Variants in METTL25 observed in about 807,000 individuals in gnomAD.
METTL25 encodes the protein probable methyltransferase-like protein 25.
A neutral mutation model predicts 71.6 loss-of-function variants in METTL25; 64 were observed. The observed-to-expected ratio is 0.89, with a 90% confidence interval of 0.73 to 1.10. The LOEUF (loss-of-function observed/expected upper bound fraction) is 1.10. Ranked by LOEUF, METTL25 falls within the 50% of genes least tolerant of loss-of-function variation. The probability of loss-of-function intolerance (pLI) is 0.00; values close to 1 mark genes in which losing one functional copy is unlikely to be tolerated. For missense variants in METTL25, 807 were observed against 707.0 expected (o/e 1.14, Z -1.60); for synonymous variants, 287 against 250.3 (o/e 1.15, Z -1.38).
intron 6 of METTL25, among the ~76,000 whole-genome samples, chr12:82,432,363 T>C (rs1024035380): frequency 2.6e-5 from 4 of 151,656 alleles, no homozygotes; most frequent in African/African-American, 9.7e-5. Context: ...GTTCAAGGTC[T>C]TGTTAGAATG....
At chr12:82,434,667 C>T (rs1293701270) in intron 6 of METTL25, 28 bp from the exon 7 acceptor site, 1 of 1,602,166 alleles carries the variant, frequency 6.2e-7, no homozygotes, top group Non-Finnish European at 8.5e-7. Flanking sequence ...AATATATCAA[C>T]AATCTGTCTT....
rs571180895 is a variant in METTL25 at position 82,393,195 on chromosome 12, C to G, written c.531+3273C>G. 3.0e-4 allele frequency among the ~76,000 whole-genome samples: 45 copies of G among 152,046 alleles called. 1 individual carries two copies. The highest frequency in any genetic ancestry group is 1.1e-3 in the African/African-American group (45 of 41,512). On this transcript the variant is annotated intron_variant, in intron 3 of 11. Coordinates refer to ENST00000248306, the MANE Select transcript of METTL25 (RefSeq NM_032230.3). ...CATTGATATTCTAATAGGGATTGCA[C>G]TGAATCTCTAGATTTCTTTGGGTAA...
At chr12:82,447,095 A>G (rs576881694) in intron 8 of METTL25, among the ~76,000 whole-genome samples, 11 of 152,192 alleles carry the variant, frequency 7.2e-5, no homozygotes, top group Non-Finnish European at 1.2e-4. Flanking sequence ...AAAATTCTAA[A>G]GAAAGAAATA....
intron 4 of METTL25, 117 bp from the exon 5 acceptor site, chr12:82,402,866 A>G (rs1886755352): frequency 1.5e-6 from 1 of 667,992 alleles, no homozygotes; most frequent in Non-Finnish European, 2.4e-6. Flanking sequence ...GCCTGTGAAT[A>G]GCCACCACAG....
intron 1 of METTL25, among the ~76,000 whole-genome samples, chr12:82,361,536 C>T (rs140827882): frequency 0.01 from 1,532 of 152,250 alleles, 25 homozygotes; most frequent in African/African-American, 0.034. Flanking sequence ...TCAGGCATGG[C>T]GGGCTGCAGG....
Position 82,396,813 on chromosome 12 carries a change from C to T in METTL25, c.532-1982C>T, listed in dbSNP as rs148295514. 7.1e-4 allele frequency among the ~76,000 whole-genome samples: 108 copies of T among 152,108 alleles called. 1 individual carries two copies. The East Asian group carries it at 0.02, about 27-fold the overall frequency. Reference sequence around the variant, plus strand: ...ATCACTGATCTGCTTTTAGTTTTGACTTTTCTAGAACATTGTACAAATGGA... The same window carrying T: ...ATCACTGATCTGCTTTTAGTTTTGATTTTTCTAGAACATTGTACAAATGGA... On this transcript the variant is annotated intron_variant, in intron 3 of 11. Transcript: ENST00000248306.
chr12:82,478,606 A>T (rs1386026614), intron 11 of METTL25, among the ~76,000 whole-genome samples: 2 of 151,820 alleles, frequency 1.3e-5, no homozygotes, highest in Admixed American at 6.6e-5. Context: ...TTCCCACCAT[A>T]TTAAATGTAC....
At chr12:82,393,694 TTCCAGA>T (rs1266830712) in intron 3 of METTL25, among the ~76,000 whole-genome samples, 4 of 152,106 alleles carry the variant, frequency 2.6e-5, no homozygotes, top group Non-Finnish European at 4.4e-5. Context: ...TCTTGTCCTG[TTCCAGA>T]TCTTAGTGGA....
rs183613648 is a variant in METTL25, at chr12:82,371,585, G to A, written c.259+12761G>A. On this transcript the variant is annotated intron_variant, in intron 1 of 11. Transcript: ENST00000248306. ...TTGTCTAATCTCGTTTTTCCTTTTC[G>A]GACTGTTCCTCTTGTTCCCTATTAT... Among the ~76,000 whole-genome samples, 185 of 152,078 alleles carry A rather than the reference G, an allele frequency of 1.2e-3. 2 individuals are homozygous for A. Among genetic ancestry groups the A allele is most frequent in the Non-Finnish European group, 1.1e-3 (76 of 67,998 alleles).
chr12:82,405,623 A>G (rs1345572510), intron 5 of METTL25, among the ~76,000 whole-genome samples: 3 of 152,228 alleles, frequency 2.0e-5, no homozygotes, highest in East Asian at 3.9e-4. Context: ...ACTGTTAGCA[A>G]ATATTCACTG....
intron 1 of METTL25, among the ~76,000 whole-genome samples, chr12:82,370,061 C>T (rs1248530701): frequency 6.6e-6 from 1 of 152,142 alleles, no homozygotes; most frequent in Non-Finnish European, 1.5e-5. Context: ...CCCCTCTAAA[C>T]AGGACACCCC....
rs1347022757 is a variant in METTL25 at position 82,398,974 on chromosome 12, A to G, written c.711A>G (p.Gly237=). The change falls in exon 4 of 12, where the codon GGA becomes GGG. Residue 237 remains glycine (G), a synonymous_variant. Coordinates refer to ENST00000248306, the MANE Select transcript of METTL25 (RefSeq NM_032230.3). Reference sequence around the variant, plus strand: ...CTCAGTCAAGATTAGATGTCAATGGACTAGCATTAAAAATGGCAAAAGAAA... The same window carrying G: ...CTCAGTCAAGATTAGATGTCAATGGGCTAGCATTAAAAATGGCAAAAGAAA... ...CHAQSRLDVN[G]LALKMAKERK... The G allele has an allele frequency of 3.1e-6, 5 of 1,608,226 alleles. No individual in the cohort carries two copies. The East Asian group carries it at 8.9e-5, about 29-fold the overall frequency.
chr12:82,428,261 G>T (rs1406564254), intron 5 of METTL25, among the ~76,000 whole-genome samples: 1 of 151,806 alleles, frequency 6.6e-6, no homozygotes, highest in African/African-American at 2.4e-5. Context: ...GAGAATTGCA[G>T]CCTCTAGTCT....
intron 9 of METTL25, among the ~76,000 whole-genome samples, chr12:82,472,937 A>C (rs1892654582): frequency 6.6e-6 from 1 of 152,242 alleles, no homozygotes; most frequent in South Asian, 2.1e-4. Context: ...TGGAAAAGTC[A>C]CATCATCCAA....
intron 1 of METTL25, among the ~76,000 whole-genome samples, chr12:82,372,242 A>G (rs2136865041): frequency 6.6e-6 from 1 of 152,270 alleles, no homozygotes; most frequent in East Asian, 1.9e-4. Flanking sequence ...GAGAGGGAGA[A>G]GGGGACATGT....
intron 5 of METTL25, among the ~76,000 whole-genome samples, chr12:82,406,831 T>C (rs1887139779): frequency 6.6e-6 from 1 of 152,170 alleles, no homozygotes. Flanking sequence ...ATATCCACTG[T>C]GTCTTGAAAG....
rs761881098 is a variant in METTL25, at chr12:82,358,721, C to T, written c.156C>T (p.Asp52=). ...AATCCGTGTGGGAGGAGCTGGTCGA[C>T]TTGCCACCGGAGACAGTGCTGGCTG... ...YTESVWEELV[D]LPPETVLAAL... Residue 52 remains aspartate, a synonymous_variant, in exon 1 of 12, where the codon GAC becomes GAT. Transcript: ENST00000248306. 3 of 1,614,176 alleles carry T rather than the reference C, an allele frequency of 1.9e-6. No individual in the cohort carries two copies. The highest frequency in any genetic ancestry group is 2.2e-5 in the South Asian group (2 of 91,088).
intron 1 of METTL25, among the ~76,000 whole-genome samples, chr12:82,385,778 T>C (rs1452350966): frequency 6.6e-6 from 1 of 152,168 alleles, no homozygotes; most frequent in African/African-American, 2.4e-5. Context: ...GTGTTCATTG[T>C]AGTTTGATAG....
chr12:82,366,240 A>G (rs867109230), intron 1 of METTL25, among the ~76,000 whole-genome samples: 3 of 152,222 alleles, frequency 2.0e-5, no homozygotes, highest in African/African-American at 7.2e-5. Context: ...TTCAAAGTCA[A>G]CATCTTATAA....
Sources: allele counts gnomAD v4.1 joint callset (sites outside exome capture counted in the v4.1 genomes callset), GRCh38; gene constraint gnomAD v4.1.1; transcripts MANE v1.5; gene names NCBI Gene and HGNC (gene_info 2026-07-23, HGNC 2026-07-21).